BORCS8: variants seen among roughly 807,000 people sequenced by gnomAD.
The protein encoded by BORCS8 is BLOC-1-related complex subunit 8.
In BORCS8, 13 loss-of-function variants were observed where a neutral mutation model predicts 18.7. The observed-to-expected ratio is 0.70, with a 90% CI of 0.45 to 1.11. The LOEUF (loss-of-function observed/expected upper bound fraction) is 1.11, where lower values mean the gene tolerates loss of function less well. BORCS8 is among the 50% of genes least tolerant of loss of function. The pLI, the probability that BORCS8 is intolerant of heterozygous loss-of-function variation, is 0.00. For synonymous variants in BORCS8, 68 were observed against 64.8 expected (o/e 1.05, Z -0.24); for missense variants, 165 against 165.7 (o/e 1.00, Z 0.02).
chr19:19,187,553 T>G (rs1487100548), intron 1 of BORCS8, among the ~76,000 whole-genome samples: 2 of 150,960 alleles, frequency 1.3e-5, no homozygotes, highest in African/African-American at 4.9e-5. Context: ...CTTTTTTTTT[T>G]TTTTGAGACA....
intron 1 of BORCS8, among the ~76,000 whole-genome samples, chr19:19,191,050 T>G (rs527855382): frequency 2.0e-5 from 3 of 152,128 alleles, no homozygotes; most frequent in Admixed American, 2.0e-4. Context: ...TAATCTAGGG[T>G]GATTTAAAGT....
At chr19:19,191,018 T>G (rs1347260668) in intron 1 of BORCS8, among the ~76,000 whole-genome samples, 3 of 152,154 alleles carry the variant, frequency 2.0e-5, no homozygotes, top group African/African-American at 7.2e-5. Flanking sequence ...TGTAGGCCTG[T>G]ATTATGTATT....
At position 19,177,691 on chromosome 19, in the gene BORCS8, AGGAAG is replaced by A. The variant is rs1428180559; in HGVS notation, c.*43-236_*43-232del. 182 of 58,712 alleles carry A rather than the reference AGGAAG, an allele frequency of 3.1e-3. 4 individuals carry two copies. Among genetic ancestry groups the A allele is most frequent in the African/African-American group, 0.011 (127 of 11,708 alleles). 3.6% of individuals were successfully genotyped at this position (58,712 alleles called of 1,614,324 possible). Reference sequence around the variant, plus strand: ...AAGGAAGGAAGGAAGGAAGGAAGGAAGGAAGAGAAAAGAAAAGAAAAGAAAAGAAA... The same window carrying A: ...AAGGAAGGAAGGAAGGAAGGAAGGAAAGAAAAGAAAAGAAAAGAAAAGAAA... On this transcript the variant is annotated intron_variant, in intron 5 of 5. Coordinates refer to ENST00000462790, the MANE Select transcript of BORCS8 (RefSeq NM_001145784.2).
rs1458786694 is a variant in BORCS8, at chr19:19,177,093, C to T, written c.*410G>A. The T allele has an allele frequency of 2.0e-5, 3 of 152,126 alleles. No individual in the cohort carries two copies. The highest frequency in any genetic ancestry group is 1.3e-4 in the Admixed American group (2 of 15,264). 9.4% of individuals were successfully genotyped at this position (152,126 alleles called of 1,614,324 possible). A position where few individuals can be genotyped will look rare whatever the true frequency, so the allele number is the denominator to read the frequency against. On this transcript the variant is annotated 3_prime_UTR_variant, in exon 6 of 6. Coordinates refer to ENST00000462790, the MANE Select transcript of BORCS8 (RefSeq NM_001145784.2). ...TCCTGGTAGAACTCCCAGGAAAGGT[C>T]GCTCATTGGGTCACGTGTCCATCTC... is the stretch of plus-strand genomic sequence containing the variant.
At chr19:19,190,140 C>T (rs181345068) in intron 1 of BORCS8, among the ~76,000 whole-genome samples, 234 of 152,284 alleles carry the variant, frequency 1.5e-3, no homozygotes, top group African/African-American at 5.1e-3. Flanking sequence ...CTCCACCTCA[C>T]GGAGGACCTT....
At chr19:19,180,444 GAA>G in intron 5 of BORCS8, 1 of 570,982 alleles carries the variant, frequency 1.8e-6, no homozygotes, top group Non-Finnish European at 3.1e-6. Flanking sequence ...CTATGGCCTG[GAA>G]AAGAGAGAGG....
chr19:19,186,072 C>T lies in BORCS8; in HGVS notation c.177G>A (p.Gln59=). Residue 59 remains glutamine (Q), a synonymous_variant, in exon 3 of 6, where the codon CAG becomes CAA. Coordinates refer to ENST00000462790, the MANE Select transcript of BORCS8 (RefSeq NM_001145784.2). ...CCACAGTGTAGATGGCTCCCTGGCT[C>T]TGCTCCTCCCAACGCTGCATGTCTG... ...HKADMQRWEE[Q]SQGAIYTVEY... 6.4e-7 allele frequency: 1 copy of T among 1,551,388 alleles called. No homozygotes were observed. The highest frequency in any genetic ancestry group is 8.7e-7 in the Non-Finnish European group (1 of 1,146,974).
chr19:19,182,683 G>A lies in BORCS8; in HGVS notation c.216C>T (p.Ser72=), dbSNP rs1347131471. The A allele has an allele frequency of 4.5e-6, 7 of 1,549,580 alleles. No individual in the cohort carries two copies. The highest frequency in any genetic ancestry group is 3.9e-5 in the Admixed American group (2 of 50,908). ...GAIYTVEYAC[S]AVKNLVDSSV... ...TGCTGTCCACCAGGTTCTTCACGGC[G>A]CTGAAACGGGAGGACAGGCCTGGTC... The change falls in exon 4 of 6, where the codon AGC becomes AGT. Residue 72 remains serine (S), a splice_region_variant and synonymous_variant. Coordinates refer to ENST00000462790, the MANE Select transcript of BORCS8 (RefSeq NM_001145784.2). This position sits in a 1 kb window ranked among gnomAD's most constrained non-coding sequence, Gnocchi z 4.1.
At chr19:19,188,765 C>T (rs183164268) in intron 1 of BORCS8, among the ~76,000 whole-genome samples, 322 of 152,276 alleles carry the variant, frequency 2.1e-3, no homozygotes, top group Non-Finnish European at 3.5e-3. Context: ...AGGTGCCCCT[C>T]GCTCAGCCTC....
chr19:19,187,873 G>A (rs577148852), intron 1 of BORCS8, among the ~76,000 whole-genome samples: 46 of 144,970 alleles, frequency 3.2e-4, no homozygotes, highest in African/African-American at 1.2e-3. Context: ...ACAGGGTCTC[G>A]CTCTGTTGCC....
At chr19:19,183,606 C>T (rs1454388711) in intron 3 of BORCS8, among the ~76,000 whole-genome samples, 3 of 147,412 alleles carry the variant, frequency 2.0e-5, no homozygotes, top group South Asian at 2.1e-4. Context: ...TTTTTTGAGA[C>T]GGAATTTCGC....
intron 5 of BORCS8, chr19:19,179,906 CCTG>C (rs1350451897): frequency 2.6e-5 from 4 of 152,766 alleles, no homozygotes; most frequent in Non-Finnish European, 4.4e-5. Context: ...CCCGGGCTGG[CCTG>C]CTGGAGAGGC....
chr19:19,177,596 T>C (rs1417059486), intron 5 of BORCS8, 136 bp from the exon 6 acceptor site: 11 of 150,896 alleles, frequency 7.3e-5, no homozygotes, highest in Admixed American at 5.0e-4. Flanking sequence ...GCCACTGCAC[T>C]CCAGCCTGGA....
intron 5 of BORCS8, chr19:19,180,468 G>C: frequency 1.7e-6 from 1 of 587,802 alleles, no homozygotes; most frequent in Non-Finnish European, 3.0e-6. Context: ...AGGTGGTGGA[G>C]AGAGAGTGGG....
Position 19,180,717 on chromosome 19 carries a change from CT to C in BORCS8, c.*10del. 1 of 1,550,494 alleles carries C rather than the reference CT, an allele frequency of 6.4e-7. No homozygotes were observed. Among genetic ancestry groups the C allele is most frequent in the East Asian group, 2.4e-5 (1 of 40,916 alleles). On this transcript the variant is annotated 3_prime_UTR_variant, in exon 5 of 6. Transcript: ENST00000462790. Reference sequence around the variant, plus strand: ...TGGCGGAGGCTGGGGGGCCCCGAGTCTCTTCCAGGATCAGGCTGAGGAGGGC... The same window carrying C: ...TGGCGGAGGCTGGGGGGCCCCGAGTCCTTCCAGGATCAGGCTGAGGAGGGC...
intron 1 of BORCS8, among the ~76,000 whole-genome samples, chr19:19,188,220 C>T (rs1375900811): frequency 6.6e-6 from 1 of 151,320 alleles, no homozygotes; most frequent in African/African-American, 2.4e-5. Context: ...TTAGTAGAGA[C>T]GGGGTTTCAC....
chr19:19,182,472 G>A lies in BORCS8; in HGVS notation c.326+101C>T. 1 of 1,470,076 alleles carries A rather than the reference G, an allele frequency of 6.8e-7. No homozygotes were observed. 91.1% of individuals were successfully genotyped at this position (1,470,076 alleles called of 1,614,324 possible). On this transcript the variant is annotated intron_variant, in intron 4 of 5. Transcript: ENST00000462790. The surrounding 1 kb of genome is among the most constrained non-coding windows in gnomAD (Gnocchi z 4.1). ...CCAGACACCAGGACAAAAGGAAAGA[G>A]ACAGTTTTCTAATAAGCGAGAAGCA... is the stretch of plus-strand genomic sequence containing the variant.
chr19:19,187,598 G>A (rs2060422920), intron 1 of BORCS8, among the ~76,000 whole-genome samples: 2 of 151,552 alleles, frequency 1.3e-5, no homozygotes, highest in Middle Eastern at 3.4e-3. Context: ...GAGTGCAGTG[G>A]TGCAATCTCG....
intron 5 of BORCS8, chr19:19,177,693 GAAGAGAAAAGAAAAGAAAAGAAAAGA>G (rs1354030432): frequency 0.013 from 478 of 37,074 alleles, 4 homozygotes; most frequent in African/African-American, 0.053. Flanking sequence ...AGGAAGGAAG[GAAGAGAAAAGAAAAGAAAAGAAAAGA>G]AAAGAAAAGA....
Sources: gnomAD v4.1 joint callset for allele counts (sites outside exome capture counted in the v4.1 genomes callset) on GRCh38, gnomAD v4.1.1 for gene constraint, Gnocchi (gnomAD v3.1) non-coding constraint, MANE v1.5 for transcripts, NCBI Gene and HGNC (gene_info 2026-07-23, HGNC 2026-07-21) for gene names.